Variants in PLEKHB2 observed in about 807,000 individuals in gnomAD.
The protein encoded by PLEKHB2 is pleckstrin homology domain-containing family B member 2.
A neutral mutation model predicts 36.5 loss-of-function variants in PLEKHB2; 31 were observed. The observed-to-expected ratio is 0.85, with a 90% CI of 0.64 to 1.15. PLEKHB2 has a LOEUF of 1.15. Ranked by LOEUF, PLEKHB2 falls within the 50% of genes most tolerant of loss-of-function variation. PLEKHB2 has a pLI of 0.00. For missense variants in PLEKHB2, 262 were observed against 295.3 expected (o/e 0.89, Z 0.83); for synonymous variants, 119 against 112.0 (o/e 1.06, Z -0.39).
intron 1 of PLEKHB2, among the ~76,000 whole-genome samples, chr2:131,108,392 A>G (rs1259124088): frequency 1.3e-5 from 2 of 152,176 alleles, no homozygotes; most frequent in African/African-American, 2.4e-5. Context: ...GTTTTAGTTT[A>G]TGCATTCAGT....
Position 131,147,018 on chromosome 2 carries a change from C to A in PLEKHB2, c.*245C>A. 2.9e-6 allele frequency: 1 copy of A among 343,368 alleles called. No homozygotes were observed. The highest frequency in any genetic ancestry group is 5.2e-6 in the Non-Finnish European group (1 of 191,746). 21.3% of individuals were successfully genotyped at this position (343,368 alleles called of 1,614,324 possible). The stretch of plus-strand genomic sequence containing the variant: ...ATTCCAAGACTGTTCTTGTGCAACT[C>A]TCAGAATACCTTATTTGAGCATACC... On this transcript the variant is annotated 3_prime_UTR_variant, in exon 8 of 8. Transcript: ENST00000693505.
chr2:131,133,821 T>C (rs1305126548), intron 6 of PLEKHB2, among the ~76,000 whole-genome samples: 2 of 152,074 alleles, frequency 1.3e-5, no homozygotes, highest in Non-Finnish European at 2.9e-5. Flanking sequence ...GTCTTGGGAG[T>C]TTAACGTTTT....
Position 131,111,340 on chromosome 2 carries a change from A to G in PLEKHB2, c.-9+5942A>G, listed in dbSNP as rs975887072. 1.1e-3 allele frequency among the ~76,000 whole-genome samples: 153 copies of G among 138,492 alleles called. 2 individuals carry two copies. In the Middle Eastern group the frequency reaches 0.012, roughly 11 times the overall value. The allele number at this position is 138,492 out of a possible 152,430, so 90.9% of individuals were successfully genotyped here. On this transcript the variant is annotated intron_variant, in intron 1 of 7. Coordinates refer to ENST00000693505, the MANE Select transcript of PLEKHB2 (RefSeq NM_001100623.2). ...TTTTATATTCCAGGCTCATCCTCTA[A>G]TTTTTTTCCATCTCTTGGTCTTTTT...
intron 2 of PLEKHB2, 67 bp from the exon 3 acceptor site, chr2:131,125,686 A>G: frequency 6.4e-6 from 9 of 1,408,220 alleles, no homozygotes; most frequent in Non-Finnish European, 7.7e-6. Context: ...ACTGCATTCC[A>G]ACTTGGGCGA....
At chr2:131,115,293 G>C (rs1256196794) in intron 1 of PLEKHB2, among the ~76,000 whole-genome samples, 1 of 149,576 alleles carries the variant, frequency 6.7e-6, no homozygotes, top group African/African-American at 2.5e-5. Context: ...TACAATTCAA[G>C]GTGAGATTTG....
intron 2 of PLEKHB2, among the ~76,000 whole-genome samples, 186 bp downstream of exon 2, chr2:131,121,164 TTGC>T (rs1433262629): frequency 6.6e-6 from 1 of 152,256 alleles, no homozygotes; most frequent in Non-Finnish European, 1.5e-5. Flanking sequence ...TCCTCCTTGG[TTGC>T]TGAGTTGACA....
chr2:131,147,642 C>G lies in PLEKHB2; in HGVS notation c.*869C>G, dbSNP rs944459924. On this transcript the variant is annotated 3_prime_UTR_variant, in exon 8 of 8. Transcript: ENST00000693505. The stretch of plus-strand genomic sequence containing the variant: ...TGAAACCCCATCTCTACTAAAAATA[C>G]AAAAAATTAGCTGGGCGTGGTGGCA... 11 of 152,000 alleles carry G rather than the reference C, an allele frequency of 7.2e-5. No homozygotes were observed. The highest frequency in any genetic ancestry group is 2.0e-4 in the Admixed American group (3 of 15,234). 9.4% of individuals were successfully genotyped at this position (152,000 alleles called of 1,614,324 possible). A position where few individuals can be genotyped will look rare whatever the true frequency, so the allele number is the denominator to read the frequency against.
At chr2:131,143,994 G>A (rs563096564) in intron 7 of PLEKHB2, among the ~76,000 whole-genome samples, 1 of 152,318 alleles carries the variant, frequency 6.6e-6, no homozygotes, top group South Asian at 2.1e-4. Context: ...GGCTGAGTCA[G>A]TAGGCATTAT....
Position 131,126,665 on chromosome 2 carries a change from T to G in PLEKHB2, c.191-19T>G, listed in dbSNP as rs554346977. The G allele has an allele frequency of 6.9e-6, 10 of 1,458,194 alleles. 1 individual carries two copies. The South Asian group carries it at 1.1e-4, about 17-fold the overall frequency. The allele number at this position is 1,458,194 out of a possible 1,614,324, so 90.3% of individuals were successfully genotyped here. On this transcript the variant is annotated intron_variant, in intron 3 of 7. Coordinates refer to ENST00000693505, the MANE Select transcript of PLEKHB2 (RefSeq NM_001100623.2). The stretch of plus-strand genomic sequence containing the variant: ...AGAAATCCTGAAAAAAGTTCCTTTA[T>G]TCTGCTTATTTTTCATAGATACTCA...
rs370452211 is a variant in PLEKHB2 at position 131,146,619 on chromosome 2, A to G, written c.533-18A>G. The stretch of plus-strand genomic sequence containing the variant: ...ACAAACCGCTGCTCAGAAATCTGCT[A>G]TTTTCCTTCTCTTTTAGGACTTTAT... On this transcript the variant is annotated intron_variant, in intron 7 of 7. Coordinates refer to ENST00000693505, the MANE Select transcript of PLEKHB2 (RefSeq NM_001100623.2). 13 of 1,599,046 alleles carry G rather than the reference A, an allele frequency of 8.1e-6. No homozygotes were observed. The African/African-American group carries it at 1.1e-4, about 13-fold the overall frequency.
At chr2:131,112,151 G>T (rs1695400342) in intron 1 of PLEKHB2, among the ~76,000 whole-genome samples, 1 of 152,180 alleles carries the variant, frequency 6.6e-6, no homozygotes, top group Admixed American at 6.5e-5. Context: ...GGAGAGAGGG[G>T]TTCAAGGTGA....
chr2:131,143,524 A>G (rs1241169247), intron 7 of PLEKHB2, among the ~76,000 whole-genome samples: 1 of 152,198 alleles, frequency 6.6e-6, no homozygotes, highest in Non-Finnish European at 1.5e-5. Flanking sequence ...TTAAATCTGG[A>G]TAGCATTTTG....
intron 1 of PLEKHB2, among the ~76,000 whole-genome samples, chr2:131,114,491 C>A (rs1393248210): frequency 5.3e-5 from 8 of 152,210 alleles, no homozygotes; most frequent in Admixed American, 2.0e-4. Flanking sequence ...ATGCAAATTT[C>A]TGCAGCAGGC....
chr2:131,129,897 A>C (rs749975650), intron 4 of PLEKHB2, among the ~76,000 whole-genome samples: 6 of 152,166 alleles, frequency 3.9e-5, no homozygotes, highest in Admixed American at 6.5e-5. Context: ...AGATTGTTAG[A>C]ATCGTTTTGC....
At chr2:131,128,750 T>C (rs186192830) in intron 4 of PLEKHB2, among the ~76,000 whole-genome samples, 211 of 152,270 alleles carry the variant, frequency 1.4e-3, no homozygotes, top group Non-Finnish European at 2.4e-3. Context: ...ATCAGAGATA[T>C]GTTAGACTAA....
At chr2:131,133,603 C>T (rs376850906) in intron 6 of PLEKHB2, among the ~76,000 whole-genome samples, 8 of 152,246 alleles carry the variant, frequency 5.3e-5, no homozygotes, top group African/African-American at 1.7e-4. Context: ...TAAGAGTAAT[C>T]CTGTGTCATT....
chr2:131,110,033 T>C (rs1695131390), intron 1 of PLEKHB2, among the ~76,000 whole-genome samples: 1 of 151,908 alleles, frequency 6.6e-6, no homozygotes. Context: ...GAGAATGGCA[T>C]GAACCTGGGA....
chr2:131,129,499 A>G (rs1178163087), intron 4 of PLEKHB2, among the ~76,000 whole-genome samples: 1 of 152,056 alleles, frequency 6.6e-6, no homozygotes, highest in African/African-American at 2.4e-5. Flanking sequence ...GGGAGTGCAC[A>G]AGAGAACACT....
At position 131,146,343 on chromosome 2, in the gene PLEKHB2, C is replaced by T. The variant is rs116665329; in HGVS notation, c.533-294C>T. 6.8e-3 allele frequency among the ~76,000 whole-genome samples: 1,038 copies of T among 152,212 alleles called. 10 individuals are homozygous for T. The highest frequency in any genetic ancestry group is 0.023 in the African/African-American group (957 of 41,520). ...CCCCATTTGTCTGCCACCCAATAAG[C>T]ATGGTGTCGAGGGCTGAAGTAGAAA... On this transcript the variant is annotated intron_variant, in intron 7 of 7. Coordinates refer to ENST00000693505, the MANE Select transcript of PLEKHB2 (RefSeq NM_001100623.2).
Sources: gnomAD v4.1 joint callset for allele counts (sites outside exome capture counted in the v4.1 genomes callset) on GRCh38, gnomAD v4.1.1 for gene constraint, MANE v1.5 for transcripts, NCBI Gene and HGNC (gene_info 2026-07-23, HGNC 2026-07-21) for gene names.